SORCS2: variants seen among roughly 807,000 people sequenced by gnomAD.
SORCS2 encodes VPS10 domain-containing receptor SorCS2.
In SORCS2, 100 loss-of-function variants were observed where a neutral mutation model predicts 141.6. The ratio of observed to expected loss-of-function variants is 0.71; its 90% CI spans 0.60 to 0.83. The LOEUF is 0.83. SORCS2 is among the 40% of genes least tolerant of loss of function. The pLI, the probability that SORCS2 is intolerant of heterozygous loss-of-function variation, is 0.00. For missense variants in SORCS2, 1,646 were observed against 1,560.2 expected (o/e 1.05, Z -0.93); for synonymous variants, 789 against 676.9 (o/e 1.17, Z -2.57).
At chr4:7,329,293 C>G (rs966444037) in intron 1 of SORCS2, among the ~76,000 whole-genome samples, 4 of 152,194 alleles carry the variant, frequency 2.6e-5, no homozygotes, top group Non-Finnish European at 5.9e-5. Context: ...TCACACTTGG[C>G]AAGAGGACAG....
At chr4:7,412,903 T>A (rs4292335) in intron 2 of SORCS2, among the ~76,000 whole-genome samples, 111,342 of 151,926 alleles carry the variant, frequency 0.73, 40,977 homozygotes, top group Admixed American at 0.8. Context: ...AGGCACCTCC[T>A]TGTCTCTAGG....
chr4:7,428,888 C>T (rs575395122), intron 2 of SORCS2, among the ~76,000 whole-genome samples: 90 of 152,178 alleles, frequency 5.9e-4, no homozygotes, highest in African/African-American at 2.0e-3. Flanking sequence ...GGTGGTGGCG[C>T]AGGGGAGCCC....
chr4:7,300,985 C>T (rs901705560), intron 1 of SORCS2, among the ~76,000 whole-genome samples: 1 of 152,202 alleles, frequency 6.6e-6, no homozygotes, highest in East Asian at 1.9e-4. Context: ...CCTGCCTCTT[C>T]TGTGTGGCCC....
At chr4:7,469,279 A>G (rs1183527823) in intron 2 of SORCS2, among the ~76,000 whole-genome samples, 3 of 147,624 alleles carry the variant, frequency 2.0e-5, no homozygotes, top group African/African-American at 5.4e-5. Flanking sequence ...GTTGGTGATG[A>G]TGATGATGAT....
chr4:7,192,696 C>G lies in SORCS2; in HGVS notation c.50C>G (p.Ala17Gly), dbSNP rs1018394834. The G allele has an allele frequency of 2.7e-4, 265 of 988,832 alleles. No individual in the cohort carries two copies. The highest frequency in any genetic ancestry group is 3.0e-4 in the Non-Finnish European group (251 of 833,792). 61.3% of individuals were successfully genotyped at this position (988,832 alleles called of 1,614,324 possible). ...SRASKGPGPT[A>G]RAPSPGAPPP... ...GCCTCGAAGGGCCCCGGCCCCACCG[C>G]CCGAGCCCCGAGCCCCGGGGCTCCG... Residue 17 changes from alanine to glycine, a missense_variant, in exon 1 of 27, where the codon GCC (alanine) becomes GGC (glycine). Coordinates refer to ENST00000507866, the MANE Select transcript of SORCS2 (RefSeq NM_020777.3). The surrounding 1 kb of genome is among the most constrained non-coding windows in gnomAD (Gnocchi z 4.0).
intron 1 of SORCS2, among the ~76,000 whole-genome samples, chr4:7,198,802 T>G (rs944682945): frequency 3.3e-5 from 5 of 151,976 alleles, no homozygotes; most frequent in Admixed American, 3.3e-4. Flanking sequence ...GGACTCTGTG[T>G]GGAGAGAGGC....
intron 3 of SORCS2, among the ~76,000 whole-genome samples, chr4:7,588,850 C>T (rs10937840): frequency 0.3 from 45,081 of 152,054 alleles, 7,483 homozygotes; most frequent in East Asian, 0.67. Flanking sequence ...ATTTTGCTTT[C>T]TTGCTTTTGT....
intron 2 of SORCS2, among the ~76,000 whole-genome samples, chr4:7,447,317 G>A (rs568496640): frequency 2.0e-5 from 3 of 152,262 alleles, no homozygotes; most frequent in Admixed American, 6.5e-5. Context: ...TTCTGCCTCC[G>A]TGCCTTGCCT....
rs201107328 is a variant in SORCS2 at position 7,386,217 on chromosome 4, A to C, written c.481-10071A>C. On this transcript the variant is annotated intron_variant, in intron 1 of 26. Transcript: ENST00000507866. Reference sequence around the variant, plus strand: ...CACATACACATTTGCACACACGCACACACATGCCCACCATACACATGCACA... The same window carrying C: ...CACATACACATTTGCACACACGCACCCACATGCCCACCATACACATGCACA... 7.1e-3 allele frequency among the ~76,000 whole-genome samples: 719 copies of C among 101,210 alleles called. 20 individuals carry two copies. The East Asian group carries it at 0.093, about 13-fold the overall frequency. 66.4% of individuals were successfully genotyped at this position (101,210 alleles called of 152,430 possible).
At chr4:7,728,303 C>A (rs1727362553) in intron 21 of SORCS2, 47 bp from the exon 22 acceptor site, 8 of 1,465,996 alleles carry the variant, frequency 5.5e-6, no homozygotes, top group Middle Eastern at 1.7e-4. Flanking sequence ...GCCGTCAGAG[C>A]CAGGCTGTCC....
chr4:7,499,828 C>T (rs1389467736), intron 2 of SORCS2, among the ~76,000 whole-genome samples: 1 of 152,142 alleles, frequency 6.6e-6, no homozygotes, highest in African/African-American at 2.4e-5. Context: ...AGCAAACAAT[C>T]GGGGACCGAG....
intron 1 of SORCS2, among the ~76,000 whole-genome samples, chr4:7,361,307 C>T (rs59366456): frequency 0.23 from 34,266 of 152,092 alleles, 5,113 homozygotes; most frequent in African/African-American, 0.41. Context: ...GTGTCCCTGA[C>T]GCTGCTTCCC....
Position 7,663,307 on chromosome 4 carries a change from T to C in SORCS2, c.953-1046T>C, listed in dbSNP as rs1722297681. On this transcript the variant is annotated intron_variant, in intron 6 of 26. Coordinates refer to ENST00000507866, the MANE Select transcript of SORCS2 (RefSeq NM_020777.3). The surrounding 1 kb of genome is among the most constrained non-coding windows in gnomAD (Gnocchi z 4.8). ...GTGAGTGAGTGAATGAGTGACTGAG[T>C]GAATGAATGAGTGAGTGAGTGATTG... Among the ~76,000 whole-genome samples the C allele has an allele frequency of 6.6e-6, 1 of 151,762 alleles. No individual in the cohort carries two copies.
chr4:7,316,871 GA>G (rs1300266716), intron 1 of SORCS2, among the ~76,000 whole-genome samples: 1 of 152,212 alleles, frequency 6.6e-6, no homozygotes, highest in East Asian at 1.9e-4. Flanking sequence ...AGGGGCTGGT[GA>G]CCACTCTCAA....
intron 22 of SORCS2, 40 bp from the exon 23 acceptor site, chr4:7,729,547 G>C: frequency 6.4e-7 from 1 of 1,555,112 alleles, no homozygotes; most frequent in Non-Finnish European, 8.7e-7. Context: ...CAGGGAATGA[G>C]GAAGACAGGC....
At chr4:7,700,210 G>C (rs1384243732) in intron 12 of SORCS2, among the ~76,000 whole-genome samples, 2 of 152,178 alleles carry the variant, frequency 1.3e-5, no homozygotes, top group African/African-American at 4.8e-5. Flanking sequence ...TGGGCTGCCC[G>C]CTGACTCAAA....
chr4:7,360,386 A>C (rs1721508808), intron 1 of SORCS2, among the ~76,000 whole-genome samples: 1 of 151,648 alleles, frequency 6.6e-6, no homozygotes, highest in African/African-American at 2.4e-5. Context: ...TCCTTCTGGG[A>C]GGTCCTTTGC....
chr4:7,271,300 C>T (rs1258066258), intron 1 of SORCS2, among the ~76,000 whole-genome samples: 6 of 152,204 alleles, frequency 3.9e-5, no homozygotes, highest in Non-Finnish European at 8.8e-5. Flanking sequence ...CCAGTGGCCC[C>T]ACACGGCCCT....
intron 3 of SORCS2, among the ~76,000 whole-genome samples, chr4:7,610,447 G>C (rs953571089): frequency 6.6e-6 from 1 of 152,176 alleles, no homozygotes; most frequent in Non-Finnish European, 1.5e-5. Flanking sequence ...CACTCCAGGG[G>C]AGCTCTGCAC....
Sources: gnomAD v4.1 joint callset for allele counts (sites outside exome capture counted in the v4.1 genomes callset) on GRCh38, gnomAD v4.1.1 for gene constraint, Gnocchi (gnomAD v3.1) non-coding constraint, MANE v1.5 for transcripts, NCBI Gene and HGNC (gene_info 2026-07-23, HGNC 2026-07-21) for gene names.